The following TFEB variants were observed in gnomAD, a reference collection of about 807,000 sequenced individuals.
TFEB encodes transcription factor EB, also known as T-cell transcription factor EB.
TFEB carries 12 observed loss-of-function variants against 48.0 expected under a neutral mutation model. The observed-to-expected ratio is 0.25, with a 90% CI of 0.16 to 0.40. TFEB has a LOEUF of 0.40. Ranked by LOEUF, TFEB falls within the 10% of genes least tolerant of loss-of-function variation. The pLI, the probability that TFEB is intolerant of heterozygous loss-of-function variation, is 1.00. For missense variants in TFEB, 509 were observed against 640.3 expected (o/e 0.79, Z 2.21); for synonymous variants, 244 against 261.4 (o/e 0.93, Z 0.64).
rs146189625 is a variant in TFEB at position 41,695,554 on chromosome 6, C to G, written c.-22-4319G>C. 6.7e-4 allele frequency among the ~76,000 whole-genome samples: 102 copies of G among 152,262 alleles called. 1 individual carries two copies. In the East Asian group the frequency reaches 0.019, roughly 28 times the overall value. On this transcript the variant is annotated intron_variant, in intron 1 of 8. Transcript: ENST00000373033. Reference sequence around the variant, plus strand: ...AGGCACAGAGAGGTGAAGGAACTCACTCAAGGTTACACAGCTGATTAAGTA... The same window carrying G: ...AGGCACAGAGAGGTGAAGGAACTCAGTCAAGGTTACACAGCTGATTAAGTA...
Position 41,723,507 on chromosome 6 carries a change from T to A in TFEB, c.-23+11843A>T, listed in dbSNP as rs2127267945. Reference sequence around the variant, plus strand: ...GAAGGAGGCCCCTGGAATGCTCAGCTCCTCCAGGGGCCGGAGCCCAGGGCC... The same window carrying A: ...GAAGGAGGCCCCTGGAATGCTCAGCACCTCCAGGGGCCGGAGCCCAGGGCC... On this transcript the variant is annotated intron_variant, in intron 1 of 8. Coordinates refer to ENST00000373033, the MANE Select transcript of TFEB (RefSeq NM_001271944.2). The surrounding 1 kb of genome is among the most constrained non-coding windows in gnomAD (Gnocchi z 6.0). The A allele has an allele frequency of 7.8e-7, 1 of 1,288,630 alleles. No individual in the cohort carries two copies. The highest frequency in any genetic ancestry group is 2.2e-4 in the Middle Eastern group (1 of 4,608). The allele number at this position is 1,288,630 out of a possible 1,614,324, so 79.8% of individuals were successfully genotyped here.
At position 41,723,886 on chromosome 6, in the gene TFEB, A is replaced by C. The variant is rs778842858; in HGVS notation, c.-23+11464T>G. The C allele has an allele frequency of 2.0e-6, 1 of 508,072 alleles. No individual in the cohort carries two copies. Among genetic ancestry groups the C allele is most frequent in the Admixed American group, 2.0e-5 (1 of 50,214 alleles). The allele number at this position is 508,072 out of a possible 1,614,324, so 31.5% of individuals were successfully genotyped here. A position where few individuals can be genotyped will look rare whatever the true frequency, so the allele number is the denominator to read the frequency against. On this transcript the variant is annotated intron_variant, in intron 1 of 8. Coordinates refer to ENST00000373033, the MANE Select transcript of TFEB (RefSeq NM_001271944.2). This position sits in a 1 kb window ranked among gnomAD's most constrained non-coding sequence, Gnocchi z 6.0. ...CAGCAAGAATTTCGCCAGAGTCCCA[A>C]TCCCACCAGGTCCAGGGTGGGCCTA...
In TFEB at chr6:41,734,241, C is replaced by T; in HGVS notation, c.-23+1109G>A. 1 of 574,130 alleles carries T rather than the reference C, an allele frequency of 1.7e-6. No homozygotes were observed. The allele number at this position is 574,130 out of a possible 1,614,324, so 35.6% of individuals were successfully genotyped here. On this transcript the variant is annotated intron_variant, in intron 1 of 8. Coordinates refer to ENST00000373033, the MANE Select transcript of TFEB (RefSeq NM_001271944.2). This position sits in a 1 kb window ranked among gnomAD's most constrained non-coding sequence, Gnocchi z 4.0. ...GCAGCGGCCAGGGGCTGGCGGAGAG[C>T]GGAGGGCGGGGGCCTGGGCCCAGCG... is the stretch of plus-strand genomic sequence containing the variant.
In TFEB at chr6:41,730,254, C is replaced by G. The variant is rs138128245; in HGVS notation, c.-23+5096G>C. Among the ~76,000 whole-genome samples, 5 of 152,286 alleles carry G rather than the reference C, an allele frequency of 3.3e-5. No individual in the cohort carries two copies. In the East Asian group the frequency reaches 9.6e-4, roughly 29 times the overall value. On this transcript the variant is annotated intron_variant, in intron 1 of 8. Transcript: ENST00000373033. The surrounding 1 kb of genome is among the most constrained non-coding windows in gnomAD (Gnocchi z 4.1). The stretch of plus-strand genomic sequence containing the variant: ...CAGTAAGATGGAACAGTGCCCCGGT[C>G]TCTCTGAAATGTGTGCCCTGATGGA...
At chr6:41,688,162 C>T (rs1179783133) in intron 4 of TFEB, 134 bp from the exon 5 acceptor site, 9 of 1,103,678 alleles carry the variant, frequency 8.2e-6, no homozygotes, top group South Asian at 1.6e-5. Context: ...GGCCCTTTCA[C>T]CCAGCAATTC....
chr6:41,691,119 T>C lies in TFEB; in HGVS notation c.95A>G (p.His32Arg), dbSNP rs751129305. The stretch of plus-strand genomic sequence containing the variant: ...CTGCTGCTGCTGCTGCTGCATGTAA[T>C]GCATGACAGCCTGTTGCTGCATGCG... ...RERMQQQAVM[H>R]YMQQQQQQQQ... Residue 32 changes from histidine (H) to arginine (R), a missense_variant, in exon 2 of 9, where the codon CAT becomes CGT. By Grantham distance (29) the His-to-Arg change is conservative (BLOSUM62 0). Transcript: ENST00000373033. This position sits in a 1 kb window ranked among gnomAD's most constrained non-coding sequence, Gnocchi z 5.2. 28 of 1,585,854 alleles carry C rather than the reference T, an allele frequency of 1.8e-5. No individual in the cohort carries two copies. Among genetic ancestry groups the C allele is most frequent in the Non-Finnish European group, 2.1e-5 (25 of 1,164,704 alleles).
chr6:41,718,669 A>G (rs957421383), intron 1 of TFEB, among the ~76,000 whole-genome samples: 3 of 140,712 alleles, frequency 2.1e-5, no homozygotes, highest in Non-Finnish European at 4.6e-5. Context: ...CCCAACCCCT[A>G]TTTTTCTTTT....
In TFEB at chr6:41,732,793, T is replaced by C. The variant is rs1053320012; in HGVS notation, c.-23+2557A>G. On this transcript the variant is annotated intron_variant, in intron 1 of 8. Transcript: ENST00000373033. ...CTGGGACGTGAACATTTCTGGCAGC[T>C]CTGGGAACCCTGAACTCCCACCCTC... is the stretch of plus-strand genomic sequence containing the variant. The C allele has an allele frequency of 6.1e-6, 6 of 985,794 alleles. No individual in the cohort carries two copies. The African/African-American group carries it at 7.0e-5, about 11-fold the overall frequency. The allele number at this position is 985,794 out of a possible 1,614,324, so 61.1% of individuals were successfully genotyped here.
intron 1 of TFEB, among the ~76,000 whole-genome samples, chr6:41,712,516 G>A (rs988014152): frequency 6.6e-6 from 1 of 152,166 alleles, no homozygotes; most frequent in African/African-American, 2.4e-5. Context: ...CGGAGAACAG[G>A]ACTAAGTCTC....
chr6:41,706,825 G>A (rs370535662), intron 1 of TFEB, among the ~76,000 whole-genome samples: 6 of 140,532 alleles, frequency 4.3e-5, no homozygotes, highest in South Asian at 2.5e-4. Flanking sequence ...ATCTCCCCCC[G>A]CCCACACCCA....
intron 3 of TFEB, 77 bp from the exon 4 acceptor site, chr6:41,689,888 G>T: frequency 9.0e-7 from 1 of 1,116,522 alleles, no homozygotes; most frequent in South Asian, 1.3e-5. Context: ...GACAACCACT[G>T]ACCTGGAGGG....
intron 4 of TFEB, 25 bp from the exon 5 acceptor site, chr6:41,688,053 C>T: frequency 6.3e-7 from 1 of 1,596,122 alleles, no homozygotes. Flanking sequence ...GTGAGGGAGA[C>T]CCATGAGTAT....
At chr6:41,713,821 C>T (rs1034240196) in intron 1 of TFEB, among the ~76,000 whole-genome samples, 9 of 152,184 alleles carry the variant, frequency 5.9e-5, no homozygotes, top group Non-Finnish European at 1.2e-4. Context: ...CCAGTCATAA[C>T]GACACAGATA....
chr6:41,687,634 A>G, intron 6 of TFEB, 119 bp downstream of exon 6: 1 of 1,298,894 alleles, frequency 7.7e-7, no homozygotes, highest in South Asian at 1.3e-5. Context: ...GCCATCTGCA[A>G]GTGAATTGGC....
upstream of TFEB, chr6:41,736,040 A>G: frequency 2.1e-6 from 3 of 1,429,814 alleles, no homozygotes; most frequent in Non-Finnish European, 3.0e-6. Flanking sequence ...CCCTGCCCCG[A>G]TCATAAGGGG....
chr6:41,735,822 C>G (rs1240723395), upstream of TFEB, among the ~76,000 whole-genome samples: 1 of 152,224 alleles, frequency 6.6e-6, no homozygotes, highest in East Asian at 1.9e-4. Flanking sequence ...TTTCTTTCTC[C>G]TCTCAGTAAA....
chr6:41,689,502 C>G (rs1389453369), intron 4 of TFEB, among the ~76,000 whole-genome samples: 1 of 152,242 alleles, frequency 6.6e-6, no homozygotes, highest in Admixed American at 6.5e-5. Context: ...CCCCTTCTCC[C>G]CTCTGAAGCC....
intron 1 of TFEB, among the ~76,000 whole-genome samples, chr6:41,697,334 G>A (rs943973170): frequency 1.3e-4 from 18 of 143,176 alleles, no homozygotes; most frequent in African/African-American, 4.4e-4. Context: ...CTTGAACCCG[G>A]GAGGCAGAGG....
chr6:41,711,683 C>A (rs373338873), intron 1 of TFEB, among the ~76,000 whole-genome samples: 4 of 152,174 alleles, frequency 2.6e-5, no homozygotes, highest in African/African-American at 9.7e-5. Context: ...AAGGGAGGAG[C>A]CCTTCAGCTC....
Sources: gnomAD v4.1 joint callset for allele counts (sites outside exome capture counted in the v4.1 genomes callset) on GRCh38, gnomAD v4.1.1 for gene constraint, Gnocchi (gnomAD v3.1) non-coding constraint, MANE v1.5 for transcripts, NCBI Gene and HGNC (gene_info 2026-07-23, HGNC 2026-07-21) for gene names.